The following SUCLG1 variants were observed in gnomAD, a reference collection of about 807,000 sequenced individuals.
SUCLG1 encodes the protein succinate-CoA ligase GDP/ADP-forming subunit alpha, also known as succinate--CoA ligase [ADP/GDP-forming] subunit alpha, mitochondrial.
Under a neutral mutation model 37.3 loss-of-function variants are expected in SUCLG1, and 26 were observed. The ratio of observed to expected loss-of-function variants is 0.70; its 90% confidence interval spans 0.51 to 0.97. The LOEUF is 0.97. SUCLG1 is among the 50% of genes least tolerant of loss of function. The pLI is 0.00. For synonymous variants in SUCLG1, 163 were observed against 155.6 expected, an observed-to-expected ratio of 1.05 and a Z score of -0.36; for missense variants, 433 against 432.9, an observed-to-expected ratio of 1.00 and a Z score of 0.00.
intron 1 of SUCLG1, 50 bp downstream of exon 1, chr2:84,459,123 C>G (rs1338500809): frequency 6.6e-7 from 1 of 1,514,182 alleles, no homozygotes; most frequent in Non-Finnish European, 8.9e-7. Context: ...TTGGGTCCGG[C>G]GGGGCCAATA....
At position 84,449,760 on chromosome 2, in the gene SUCLG1, GT is replaced by G; in HGVS notation, c.98-9del. On this transcript the variant is annotated splice_polypyrimidine_tract_variant and intron_variant, in intron 1 of 8. Transcript: ENST00000393868. ...GAATTCCATTCTGCGGCACTAAGAG[GT>G]TAAAAAAAAAAAAAAAAAAAAAAAA... The G allele has an allele frequency of 1.2e-6, 1 of 802,832 alleles. No homozygotes were observed. Among genetic ancestry groups the G allele is most frequent in the Non-Finnish European group, 1.7e-6 (1 of 571,906 alleles). 49.7% of individuals were successfully genotyped at this position (802,832 alleles called of 1,614,324 possible). A position where few individuals can be genotyped will look rare whatever the true frequency, so the allele number is the denominator to read the frequency against.
In SUCLG1 at chr2:84,453,159, A is replaced by G. The variant is rs1038486702; in HGVS notation, c.98-3407T>C. Among the ~76,000 whole-genome samples the G allele has an allele frequency of 5.3e-5, 8 of 152,194 alleles. No homozygotes were observed. In the East Asian group the frequency reaches 5.8e-4, roughly 11 times the overall value. On this transcript the variant is annotated intron_variant, in intron 1 of 8. Coordinates refer to ENST00000393868, the MANE Select transcript of SUCLG1 (RefSeq NM_003849.4). Reference sequence around the variant, plus strand: ...TAATACAAATTGAATCTTTACCTACATGAAAAAAGCAAGCATTCAGACAGA... The same window carrying G: ...TAATACAAATTGAATCTTTACCTACGTGAAAAAAGCAAGCATTCAGACAGA...
At chr2:84,457,266 G>A (rs1673037163) in intron 1 of SUCLG1, among the ~76,000 whole-genome samples, 1 of 152,174 alleles carries the variant, frequency 6.6e-6, no homozygotes, top group Non-Finnish European at 1.5e-5. Flanking sequence ...ATGGGAAAGA[G>A]GAGTTAGAGT....
chr2:84,450,746 A>G (rs1672927595), intron 1 of SUCLG1, among the ~76,000 whole-genome samples: 1 of 152,176 alleles, frequency 6.6e-6, no homozygotes, highest in Non-Finnish European at 1.5e-5. Context: ...AGTCCACTCC[A>G]TGCTTTCTGC....
intron 1 of SUCLG1, among the ~76,000 whole-genome samples, chr2:84,450,412 G>GAA (rs79027896): frequency 0.018 from 1,903 of 103,354 alleles, 47 homozygotes; most frequent in African/African-American, 0.068. Flanking sequence ...AGCTTGTTAG[G>GAA]AAAAAAAAAA....
At chr2:84,457,188 A>T (rs1342949543) in intron 1 of SUCLG1, among the ~76,000 whole-genome samples, 1 of 152,180 alleles carries the variant, frequency 6.6e-6, no homozygotes, top group East Asian at 1.9e-4. Context: ...TTTAAAAAAA[A>T]AGTTTGCAAG....
intron 5 of SUCLG1, 115 bp from the exon 6 acceptor site, chr2:84,433,550 T>C: frequency 1.2e-6 from 1 of 848,620 alleles, no homozygotes; most frequent in Non-Finnish European, 2.0e-6. Context: ...ATTCATTCCA[T>C]GATTTGCCAT....
At chr2:84,449,818 C>T in intron 1 of SUCLG1, 66 bp from the exon 2 acceptor site, 3 of 1,212,558 alleles carry the variant, frequency 2.5e-6, no homozygotes, top group South Asian at 2.9e-5. Context: ...AACTTTTGAA[C>T]AATAATTCAA....
Position 84,441,438 on chromosome 2 carries a change from T to C in SUCLG1, c.340A>G (p.Thr114Ala). The C allele has an allele frequency of 6.2e-7, 1 of 1,614,166 alleles. No homozygotes were observed. The highest frequency in any genetic ancestry group is 8.5e-7 in the Non-Finnish European group (1 of 1,180,028). Residue 114 changes from threonine (T) to alanine (A), a missense_variant, in exon 4 of 9, where the codon ACG becomes GCG. Thr to Ala is a moderately conservative substitution (Grantham distance 58, BLOSUM62 0). Coordinates refer to ENST00000393868, the MANE Select transcript of SUCLG1 (RefSeq NM_003849.4). ...GGAGGAACATAAATGACAGAAGCCG[T>C]TGCTCCTGTCTGTTCTTTGGCCTGA... ...VKEAKEQTGATASVIYVPPPF... is the reference protein window; with the variant it reads ...VKEAKEQTGAAASVIYVPPPF...
At chr2:84,435,475 G>A (rs144429157) in intron 5 of SUCLG1, among the ~76,000 whole-genome samples, 3 of 152,294 alleles carry the variant, frequency 2.0e-5, no homozygotes, top group East Asian at 1.9e-4. Context: ...CATAAGACAC[G>A]TAAGAATGTT....
intron 1 of SUCLG1, among the ~76,000 whole-genome samples, chr2:84,450,413 A>T (rs10182571): frequency 1.5e-5 from 2 of 134,048 alleles, no homozygotes; most frequent in East Asian, 2.1e-4. Flanking sequence ...GCTTGTTAGG[A>T]AAAAAAAAAA....
At chr2:84,439,832 C>T (rs1672740540) in intron 5 of SUCLG1, among the ~76,000 whole-genome samples, 1 of 152,164 alleles carries the variant, frequency 6.6e-6, no homozygotes, top group Non-Finnish European at 1.5e-5. Flanking sequence ...AGGAACTAAC[C>T]AAGTAGCAGG....
intron 1 of SUCLG1, among the ~76,000 whole-genome samples, chr2:84,455,025 T>C (rs531749721): frequency 1.6e-4 from 25 of 152,282 alleles, no homozygotes; most frequent in African/African-American, 5.5e-4. Context: ...ATTATGCATA[T>C]GTAAGACACA....
chr2:84,442,620 A>G (rs1053578228), intron 3 of SUCLG1, among the ~76,000 whole-genome samples: 1 of 152,216 alleles, frequency 6.6e-6, no homozygotes, highest in South Asian at 2.1e-4. Context: ...TATCGTCTGA[A>G]TTTTTACAAA....
chr2:84,433,524 C>T, intron 5 of SUCLG1, 89 bp from the exon 6 acceptor site: 1 of 1,011,750 alleles, frequency 9.9e-7, no homozygotes, highest in Non-Finnish European at 1.5e-6. Context: ...CTTCGAGTGA[C>T]TAACATAGGT....
intron 6 of SUCLG1, chr2:84,432,822 G>A (rs1007524094): frequency 2.0e-5 from 3 of 152,156 alleles, no homozygotes; most frequent in African/African-American, 7.2e-5. Context: ...GTAAAAATTT[G>A]TAATTTTTAC....
intron 1 of SUCLG1, among the ~76,000 whole-genome samples, chr2:84,455,840 C>CA (rs5832612): frequency 0.22 from 17,289 of 80,002 alleles, 1,127 homozygotes; most frequent in Non-Finnish European, 0.25. Flanking sequence ...CGTCTCAAAA[C>CA]AAAAAAAAAA....
intron 2 of SUCLG1, among the ~76,000 whole-genome samples, chr2:84,448,105 T>A (rs1573373818): frequency 6.9e-6 from 1 of 145,960 alleles, no homozygotes; most frequent in Non-Finnish European, 1.5e-5. Flanking sequence ...TTTTTTACAG[T>A]AATAGAGGAA....
At chr2:84,425,751 C>T in intron 7 of SUCLG1, 148 bp from the exon 8 acceptor site, 1 of 846,506 alleles carries the variant, frequency 1.2e-6, no homozygotes, top group East Asian at 2.6e-5. Flanking sequence ...AAATATTAAA[C>T]CATGATTGAA....
Sources: allele counts gnomAD v4.1 joint callset (sites outside exome capture counted in the v4.1 genomes callset), GRCh38; gene constraint gnomAD v4.1.1; transcripts MANE v1.5; gene names NCBI Gene and HGNC (gene_info 2026-07-23, HGNC 2026-07-21).